The following KCNB2 variants were observed in gnomAD, a reference collection of about 807,000 sequenced individuals.
KCNB2 encodes the protein delayed rectifier potassium channel protein.
Under a neutral mutation model 61.5 loss-of-function variants are expected in KCNB2, and 15 were observed. That is an observed-to-expected ratio of 0.24 (90% CI 0.16 to 0.38). The LOEUF is 0.38. Among genes scored for constraint, KCNB2 ranks in the 10% least tolerant of loss-of-function variants. The pLI is 1.00. For synonymous variants in KCNB2, 457 were observed against 446.0 expected (o/e 1.02, Z -0.31); for missense variants, 828 against 1,125.2 (o/e 0.74, Z 3.78).
intron 2 of KCNB2, among the ~76,000 whole-genome samples, chr8:72,756,466 T>C (rs1808292194): frequency 6.6e-6 from 1 of 152,220 alleles, no homozygotes; most frequent in African/African-American, 2.4e-5. Flanking sequence ...TTCTTGACCT[T>C]GGCTACATAC....
intron 2 of KCNB2, among the ~76,000 whole-genome samples, chr8:72,920,475 A>ATC (rs10631337): frequency 0.15 from 8,869 of 58,374 alleles, 1,282 homozygotes; most frequent in Non-Finnish European, 0.2. Flanking sequence ...CTATCTATCT[A>ATC]TATATATATA....
At chr8:72,712,953 C>T (rs1260943454) in intron 2 of KCNB2, among the ~76,000 whole-genome samples, 1 of 152,252 alleles carries the variant, frequency 6.6e-6, no homozygotes, top group African/African-American at 2.4e-5. Context: ...AATTGGGTCA[C>T]TCCCACCCTA....
chr8:72,911,381 G>A (rs969411894), intron 2 of KCNB2, among the ~76,000 whole-genome samples: 13 of 152,204 alleles, frequency 8.5e-5, no homozygotes, highest in Admixed American at 2.0e-4. Context: ...TTATTTGTCC[G>A]AACACACATG....
At chr8:72,863,526 C>T (rs1805452528) in intron 2 of KCNB2, among the ~76,000 whole-genome samples, 1 of 152,206 alleles carries the variant, frequency 6.6e-6, no homozygotes, top group Non-Finnish European at 1.5e-5. Context: ...GCATCCCTAT[C>T]AGCAGTGCTG....
chr8:72,840,178 G>C (rs10101043), intron 2 of KCNB2, among the ~76,000 whole-genome samples: 129,747 of 152,074 alleles, frequency 0.85, 56,303 homozygotes, highest in Middle Eastern at 0.97. Context: ...TTCTGTTCCT[G>C]TGTTACTTTG....
At chr8:72,720,812 C>T (rs192847358) in intron 2 of KCNB2, among the ~76,000 whole-genome samples, 1 of 152,336 alleles carries the variant, frequency 6.6e-6, no homozygotes, top group Non-Finnish European at 1.5e-5. Context: ...ATCTCAATAA[C>T]ATATGATCCA....
At chr8:72,783,225 C>A (rs1808792555) in intron 2 of KCNB2, among the ~76,000 whole-genome samples, 1 of 152,144 alleles carries the variant, frequency 6.6e-6, no homozygotes. Context: ...CAACCCCTTC[C>A]CTGTAATTTA....
intron 2 of KCNB2, among the ~76,000 whole-genome samples, chr8:72,729,880 C>T (rs897402039): frequency 1.0e-4 from 15 of 150,464 alleles, no homozygotes; most frequent in African/African-American, 2.4e-4. Context: ...AGCAAAACTC[C>T]GTCTCAAAAA....
intron 1 of KCNB2, among the ~76,000 whole-genome samples, chr8:72,561,017 T>A (rs1425984781): frequency 1.3e-5 from 2 of 152,204 alleles, no homozygotes; most frequent in Non-Finnish European, 2.9e-5. Context: ...AAGATGCTCA[T>A]ATTACATATC....
At chr8:72,856,049 T>G (rs1810202853) in intron 2 of KCNB2, among the ~76,000 whole-genome samples, 1 of 152,178 alleles carries the variant, frequency 6.6e-6, no homozygotes, top group Non-Finnish European at 1.5e-5. Context: ...GCAATTTTTT[T>G]GAACAGTTTT....
intron 2 of KCNB2, among the ~76,000 whole-genome samples, chr8:72,840,839 C>T (rs1313361460): frequency 6.6e-6 from 1 of 151,944 alleles, no homozygotes; most frequent in Non-Finnish European, 1.5e-5. Context: ...AAAATTTTCT[C>T]CTATTCTGTA....
chr8:72,901,070 C>T (rs954648490), intron 2 of KCNB2, among the ~76,000 whole-genome samples: 26 of 152,258 alleles, frequency 1.7e-4, no homozygotes, highest in South Asian at 8.3e-4. Context: ...ATAGCAAAGA[C>T]GTGGTAGCTT....
intron 2 of KCNB2, among the ~76,000 whole-genome samples, chr8:72,670,279 A>C (rs1168057729): frequency 6.6e-6 from 1 of 152,192 alleles, no homozygotes; most frequent in Non-Finnish European, 1.5e-5. Context: ...ATCAATTTGA[A>C]CTTCTCATTA....
intron 2 of KCNB2, among the ~76,000 whole-genome samples, chr8:72,886,012 GA>G (rs1290689180): frequency 6.6e-6 from 1 of 151,736 alleles, no homozygotes; most frequent in Non-Finnish European, 1.5e-5. Context: ...GAAGAAAAAA[GA>G]AAAAAACATG....
intron 1 of KCNB2, among the ~76,000 whole-genome samples, chr8:72,566,450 A>G (rs1023441088): frequency 2.0e-5 from 3 of 152,124 alleles, no homozygotes; most frequent in Non-Finnish European, 4.4e-5. Flanking sequence ...CTGTAATCCC[A>G]GCACTTTGGG....
intron 1 of KCNB2, among the ~76,000 whole-genome samples, chr8:72,547,288 A>G (rs1806273371): frequency 6.6e-6 from 1 of 152,226 alleles, no homozygotes. Context: ...ATGCCTGCTA[A>G]CACAGTATCC....
At chr8:72,914,150 C>A (rs1385652379) in intron 2 of KCNB2, among the ~76,000 whole-genome samples, 2 of 152,186 alleles carry the variant, frequency 1.3e-5, no homozygotes, top group African/African-American at 4.8e-5. Flanking sequence ...TGTGTCCTCA[C>A]ATGTGATCTC....
intron 2 of KCNB2, among the ~76,000 whole-genome samples, chr8:72,771,727 T>G (rs1044218688): frequency 1.3e-5 from 2 of 151,720 alleles, no homozygotes; most frequent in Admixed American, 1.3e-4. Flanking sequence ...GAAGATTTGG[T>G]ATGAGGGAAG....
chr8:72,695,086 A>G (rs1223132025), intron 2 of KCNB2, among the ~76,000 whole-genome samples: 1 of 152,136 alleles, frequency 6.6e-6, no homozygotes, highest in East Asian at 1.9e-4. Flanking sequence ...CAGGTTAATA[A>G]CATACCAAGT....
Sources: gnomAD v4.1 joint callset for allele counts (sites outside exome capture counted in the v4.1 genomes callset) on GRCh38, gnomAD v4.1.1 for gene constraint, MANE v1.5 for transcripts, NCBI Gene and HGNC (gene_info 2026-07-23, HGNC 2026-07-21) for gene names.